ZFP62: variants seen among roughly 807,000 people sequenced by gnomAD.
ZFP62 encodes the protein zinc finger protein 62 homolog.
A neutral mutation model predicts 56.4 loss-of-function variants in ZFP62; 44 were observed. That is an observed-to-expected ratio of 0.78 (90% CI 0.61 to 1.00). The LOEUF is 1.00. Ranked by LOEUF, ZFP62 falls within the 50% of genes least tolerant of loss-of-function variation. The pLI, the probability that ZFP62 is intolerant of heterozygous loss-of-function variation, is 0.00. For missense variants in ZFP62, 1,030 were observed against 1,085.7 expected (o/e 0.95, Z 0.72); for synonymous variants, 421 against 388.9 (o/e 1.08, Z -0.97).
chr5:180,843,751 A>G (rs1773361149), downstream of ZFP62, among the ~76,000 whole-genome samples: 1 of 152,244 alleles, frequency 6.6e-6, no homozygotes, highest in African/African-American at 2.4e-5. Context: ...AGAAGATATG[A>G]ACAACGTATT....
intron 1 of ZFP62, 121 bp downstream of exon 1, chr5:180,861,098 G>T: frequency 2.5e-6 from 1 of 398,086 alleles, no homozygotes; most frequent in East Asian, 3.6e-5. Context: ...GCGGGGAGGG[G>T]GCACGCTTAC....
rs1359003810 is a variant in ZFP62 at position 180,851,499 on chromosome 5, C to A, written c.2-6G>T. 2.0e-6 allele frequency: 3 copies of A among 1,516,648 alleles called. No individual in the cohort carries two copies. The African/African-American group carries it at 4.2e-5, about 21-fold the overall frequency. The allele number at this position is 1,516,648 out of a possible 1,614,324, so 93.9% of individuals were successfully genotyped here. A position where few individuals can be genotyped will look rare whatever the true frequency, so the allele number is the denominator to read the frequency against. ...GCTCGTCTTCAAATGTGACACTAAA[C>A]CAAGAAAATGAAAAGGACACCTATT... On this transcript the variant is annotated splice_polypyrimidine_tract_variant and splice_region_variant and intron_variant, in intron 1 of 1. Coordinates refer to ENST00000502412, the MANE Select transcript of ZFP62 (RefSeq NM_001172638.2).
chr5:180,854,944 A>G (rs1311701060), intron 1 of ZFP62, among the ~76,000 whole-genome samples: 1 of 152,230 alleles, frequency 6.6e-6, no homozygotes, highest in Non-Finnish European at 1.5e-5. Flanking sequence ...ATAGAAAACA[A>G]TTACATCAGC....
At chr5:180,853,653 G>C (rs1395345834) in intron 1 of ZFP62, among the ~76,000 whole-genome samples, 1 of 152,172 alleles carries the variant, frequency 6.6e-6, no homozygotes, top group East Asian at 1.9e-4. Context: ...GAACAAAAAA[G>C]AAATACAGAA....
In ZFP62 at chr5:180,849,859, A is replaced by G; in HGVS notation, c.1636T>C (p.Ser546Pro). 1.3e-6 allele frequency: 2 copies of G among 1,551,718 alleles called. No homozygotes were observed. The highest frequency in any genetic ancestry group is 1.7e-6 in the Non-Finnish European group (2 of 1,146,978). The change falls in exon 2 of 2, where the codon TCT becomes CCT. Residue 546 changes from serine (S) to proline (P), a missense_variant. Transcript: ENST00000502412. ...DECGKAFRNN[S>P]GLKVHKRIHT... is the part of the protein sequence containing the mutation. ...ATTCGTTTATGTACTTTAAGGCCAG[A>G]ATTATTTCTGAAAGCTTTACCACAC...
Position 180,848,700 on chromosome 5 carries a change from T to C in ZFP62, c.*92A>G. Reference sequence around the variant, plus strand: ...TCCTCTAGGATGGTTTCATTTACACTGTGTAAATTACAAGCCATGACCCCC... The same window carrying C: ...TCCTCTAGGATGGTTTCATTTACACCGTGTAAATTACAAGCCATGACCCCC... On this transcript the variant is annotated 3_prime_UTR_variant, in exon 2 of 2. Coordinates refer to ENST00000502412, the MANE Select transcript of ZFP62 (RefSeq NM_001172638.2). 6.9e-7 allele frequency: 1 copy of C among 1,441,114 alleles called. No homozygotes were observed. Among genetic ancestry groups the C allele is most frequent in the Non-Finnish European group, 9.1e-7 (1 of 1,094,300 alleles). The allele number at this position is 1,441,114 out of a possible 1,614,324, so 89.3% of individuals were successfully genotyped here.
rs1410012753 is a variant in ZFP62, at chr5:180,849,952, T to G, written c.1543A>C (p.Asn515His). 4 of 1,551,594 alleles carry G rather than the reference T, an allele frequency of 2.6e-6. No homozygotes were observed. The highest frequency in any genetic ancestry group is 2.0e-5 in the Admixed American group (1 of 50,974). Reference sequence around the variant, plus strand: ...TGCTGTTCAAGGGCAGAGCTGTAGTTGAAGGATTTCTCACAATAGCTACAT... The same window carrying G: ...TGCTGTTCAAGGGCAGAGCTGTAGTGGAAGGATTTCTCACAATAGCTACAT... ...YKCSYCEKSF[N>H]YSSALEQHKR... The change falls in exon 2 of 2, where the codon AAC (asparagine) becomes CAC (histidine). Residue 515 changes from asparagine (N) to histidine (H), a missense_variant. Transcript: ENST00000502412.
rs769681813 is a variant in ZFP62, at chr5:180,851,307, T to C, written c.188A>G (p.Glu63Gly). Residue 63 changes from glutamate to glycine, a missense_variant, in exon 2 of 2, where the codon GAG becomes GGG. Coordinates refer to ENST00000502412, the MANE Select transcript of ZFP62 (RefSeq NM_001172638.2). ...QKKPVENRMK[E>G]DKSSIREAIS... ...TGCTTCCCTGATGCTGCTTTTGTCC[T>C]CCTTCATCCTGTTTTCCACAGGCTT... 7.7e-6 allele frequency: 12 copies of C among 1,551,616 alleles called. No homozygotes were observed. The South Asian group carries it at 1.4e-4, about 18-fold the overall frequency.
Position 180,849,537 on chromosome 5 carries a change from A to G in ZFP62, c.1958T>C (p.Val653Ala). 6.5e-7 allele frequency: 1 copy of G among 1,550,086 alleles called. No individual in the cohort carries two copies. Among genetic ancestry groups the G allele is most frequent in the Non-Finnish European group, 8.7e-7 (1 of 1,146,508 alleles). The change falls in exon 2 of 2, where the codon GTC (valine) becomes GCC (alanine). Residue 653 changes from valine to alanine, a missense_variant. By Grantham distance (64) the Val-to-Ala change is moderately conservative. Transcript: ENST00000502412. ...KPYECDRCEK[V>A]FRNNSSLKVH... The stretch of plus-strand genomic sequence containing the variant: ...TTTAAGGCTTGAGTTGTTTCTGAAG[A>G]CCTTCTCACACCTGTCACATTCATA...
At chr5:180,845,608 C>T, downstream of ZFP62, 1 of 593,144 alleles carries the variant, frequency 1.7e-6, no homozygotes, top group Non-Finnish European at 2.1e-6. Flanking sequence ...TATTCTGCTT[C>T]CTTCTCCATG....
At position 180,848,616 on chromosome 5, in the gene ZFP62, A is replaced by G; in HGVS notation, c.*176T>C. 7.3e-7 allele frequency: 1 copy of G among 1,362,528 alleles called. No individual in the cohort carries two copies. The highest frequency in any genetic ancestry group is 9.4e-7 in the Non-Finnish European group (1 of 1,060,482). 84.4% of individuals were successfully genotyped at this position (1,362,528 alleles called of 1,614,324 possible). On this transcript the variant is annotated 3_prime_UTR_variant, in exon 2 of 2. Transcript: ENST00000502412. ...ATCCTGTAAGAGCTGAACTACCTTG[A>G]CACTGGAGCCTTTCTTGCTTGCTAT...
In ZFP62 at chr5:180,857,735, G is replaced by T. The variant is rs1051551220; in HGVS notation, c.1+3484C>A. ...CTGTCTCCAACGCCTGACCTCAGGG[G>T]ATCCACCCGTCTCAGCCTCCCAAAG... On this transcript the variant is annotated intron_variant, in intron 1 of 1. Transcript: ENST00000502412. Among the ~76,000 whole-genome samples, 143 of 151,814 alleles carry T rather than the reference G, an allele frequency of 9.4e-4. 1 individual carries two copies. The highest frequency in any genetic ancestry group is 3.4e-3 in the African/African-American group (142 of 41,406).
chr5:180,851,536 A>G (rs769638212), intron 1 of ZFP62, 43 bp from the exon 2 acceptor site: 7 of 1,471,878 alleles, frequency 4.8e-6, no homozygotes, highest in Non-Finnish European at 6.3e-6. Flanking sequence ...ACTCTCTTAA[A>G]AAAAAACAAA....
rs1561901109 is a variant in ZFP62, at chr5:180,848,836, C to T, written c.2659G>A (p.Gly887Arg). 2 of 1,546,682 alleles carry T rather than the reference C, an allele frequency of 1.3e-6. No homozygotes were observed. Reference protein sequence around the residue: ...SGTSQKRTYEGGNALDGGRMR... With the variant: ...SGTSQKRTYERGNALDGGRMR... ...CTGCCCCCATCCAGGGCATTCCCTC[C>T]CTCATAGGTTCTCTTCTGGGATGTG... The change falls in exon 2 of 2, where the codon GGA (glycine) becomes AGA (arginine). Residue 887 changes from glycine to arginine, a missense_variant. Transcript: ENST00000502412.
chr5:180,848,169 T>C lies in ZFP62; in HGVS notation c.*623A>G. On this transcript the variant is annotated 3_prime_UTR_variant, in exon 2 of 2. Coordinates refer to ENST00000502412, the MANE Select transcript of ZFP62 (RefSeq NM_001172638.2). Reference sequence around the variant, plus strand: ...TTTTTATGAGTGACTCTCTCCTATCTCCTGTTAGACTTGTAAGTCTATGCT... The same window carrying C: ...TTTTTATGAGTGACTCTCTCCTATCCCCTGTTAGACTTGTAAGTCTATGCT... 1 of 985,404 alleles carries C rather than the reference T, an allele frequency of 1.0e-6. No homozygotes were observed. The highest frequency in any genetic ancestry group is 1.2e-6 in the Non-Finnish European group (1 of 829,896). 61.0% of individuals were successfully genotyped at this position (985,404 alleles called of 1,614,324 possible).
chr5:180,838,891 C>G, the ZFP62 span, among the ~76,000 whole-genome samples: 59 of 152,100 alleles, frequency 3.9e-4, no homozygotes, highest in Admixed American at 7.9e-4. Context: ...AATTTAAAAG[C>G]AAATCTTAAC....
At chr5:180,838,308 T>C in the ZFP62 span, among the ~76,000 whole-genome samples, 1 of 152,018 alleles carries the variant, frequency 6.6e-6, no homozygotes, top group Non-Finnish European at 1.5e-5. Flanking sequence ...GAGGGGACCA[T>C]GCAGGGAGTG....
In ZFP62 at chr5:180,850,662, TC is replaced by T. The variant is rs2113683192; in HGVS notation, c.832del (p.Glu278ArgfsTer104). ...LRVHKRIHTGEKPYECDICGK... is the reference protein window; with the variant it reads ...LRVHKRIHTGXKPYECDICGK... ...ACAGATGTCGCATTCATAGGGCTTCTCCCCCGTGTGGATCCTTTTGTGGACT... is the reference window on the plus strand; with the variant it reads ...ACAGATGTCGCATTCATAGGGCTTCTCCCCGTGTGGATCCTTTTGTGGACT... On this transcript the variant is annotated frameshift_variant, in exon 2 of 2. Coordinates refer to ENST00000502412, the MANE Select transcript of ZFP62 (RefSeq NM_001172638.2). LOFTEE classifies it high-confidence loss of function. The T allele has an allele frequency of 6.3e-7, 1 of 1,589,150 alleles. No individual in the cohort carries two copies. The highest frequency in any genetic ancestry group is 8.6e-7 in the Non-Finnish European group (1 of 1,167,466).
chr5:180,858,651 G>A (rs1235574144), intron 1 of ZFP62, among the ~76,000 whole-genome samples: 2 of 152,148 alleles, frequency 1.3e-5, no homozygotes, highest in African/African-American at 4.8e-5. Flanking sequence ...GTGGGAGAAT[G>A]GATTGAGGCA....
Sources: gnomAD v4.1 joint callset for allele counts (sites outside exome capture counted in the v4.1 genomes callset) on GRCh38, gnomAD v4.1.1 for gene constraint, MANE v1.5 for transcripts, NCBI Gene and HGNC (gene_info 2026-07-23, HGNC 2026-07-21) for gene names.